Variants in FUT9 observed in about 807,000 individuals in gnomAD.
The protein encoded by FUT9 is 4-galactosyl-N-acetylglucosaminide 3-alpha-L-fucosyltransferase 9.
FUT9 carries 15 observed loss-of-function variants against 29.7 expected under a neutral mutation model. The ratio of observed to expected loss-of-function variants is 0.51; its 90% CI spans 0.34 to 0.78. The LOEUF (loss-of-function observed/expected upper bound fraction) is 0.78, where lower values mean the gene tolerates loss of function less well. Among genes scored for constraint, FUT9 ranks in the 30% least tolerant of loss-of-function variants. The pLI is 0.01. For missense variants in FUT9, 319 were observed against 425.4 expected (o/e 0.75, Z 2.20); for synonymous variants, 169 against 153.7 (o/e 1.10, Z -0.74).
intron 1 of FUT9, among the ~76,000 whole-genome samples, chr6:96,109,653 C>G (rs1771760575): frequency 1.3e-5 from 2 of 152,146 alleles, no homozygotes; most frequent in Non-Finnish European, 2.9e-5. Context: ...TTCCACCAAA[C>G]CTAACAACCA....
intron 1 of FUT9, among the ~76,000 whole-genome samples, chr6:96,110,495 T>C (rs1410840813): frequency 6.6e-6 from 1 of 152,154 alleles, no homozygotes; most frequent in African/African-American, 2.4e-5. Context: ...GCAAAAACCC[T>C]GAGCATCCCC....
chr6:96,089,644 G>A (rs1771377639), intron 1 of FUT9, among the ~76,000 whole-genome samples: 3 of 152,104 alleles, frequency 2.0e-5, no homozygotes, highest in Admixed American at 1.3e-4. Context: ...AGTAAGATGG[G>A]GAGCTGAACT....
At chr6:96,113,027 A>G (rs1388083057) in intron 1 of FUT9, among the ~76,000 whole-genome samples, 1 of 152,142 alleles carries the variant, frequency 6.6e-6, no homozygotes. Flanking sequence ...ATTTCTAAGC[A>G]TTCAGATAGT....
At chr6:96,080,754 T>C (rs949095246) in intron 1 of FUT9, among the ~76,000 whole-genome samples, 1 of 151,958 alleles carries the variant, frequency 6.6e-6, no homozygotes, top group African/African-American at 2.4e-5. Flanking sequence ...TGCCTAAATT[T>C]GTATCATCAG....
intron 1 of FUT9, among the ~76,000 whole-genome samples, chr6:96,109,433 T>C (rs559207137): frequency 6.6e-6 from 1 of 152,336 alleles, no homozygotes; most frequent in Admixed American, 6.5e-5. Flanking sequence ...TCATCTTTGG[T>C]GAATTTTTCC....
In FUT9 at chr6:96,211,894, C is replaced by G. The variant is rs1773943696; in HGVS notation, c.*7659C>G. The G allele has an allele frequency of 2.5e-6, 1 of 402,536 alleles. No homozygotes were observed. The highest frequency in any genetic ancestry group is 4.6e-6 in the Non-Finnish European group (1 of 219,486). 24.9% of individuals were successfully genotyped at this position (402,536 alleles called of 1,614,324 possible). A position where few individuals can be genotyped will look rare whatever the true frequency, so the allele number is the denominator to read the frequency against. On this transcript the variant is annotated 3_prime_UTR_variant, in exon 3 of 3. Coordinates refer to ENST00000302103, the MANE Select transcript of FUT9 (RefSeq NM_006581.4). ...AAACTGATTTATTTTTCTGAGTTCTCTGGAAACCAAACAATTTTGAATTAG... is the reference window on the plus strand; with the variant it reads ...AAACTGATTTATTTTTCTGAGTTCTGTGGAAACCAAACAATTTTGAATTAG...
intron 1 of FUT9, among the ~76,000 whole-genome samples, chr6:96,083,365 A>G (rs1049830911): frequency 6.6e-6 from 1 of 152,124 alleles, no homozygotes; most frequent in Non-Finnish European, 1.5e-5. Flanking sequence ...TGGAGTTGCA[A>G]AACAAAGACT....
chr6:96,047,550 A>G (rs1346121918), intron 1 of FUT9, among the ~76,000 whole-genome samples: 1 of 152,080 alleles, frequency 6.6e-6, no homozygotes, highest in African/African-American at 2.4e-5. Context: ...TGTTCCTGAG[A>G]TAGTTAATTA....
chr6:96,148,051 AT>A (rs5878417), intron 2 of FUT9, among the ~76,000 whole-genome samples: 84,561 of 150,142 alleles, frequency 0.56, 24,556 homozygotes, highest in East Asian at 0.76. Flanking sequence ...GAAAAAAAAA[AT>A]ATTGAAACTG....
intron 2 of FUT9, among the ~76,000 whole-genome samples, chr6:96,148,646 G>A (rs571101936): frequency 6.6e-6 from 1 of 152,176 alleles, no homozygotes; most frequent in South Asian, 2.1e-4. Context: ...TACTGCCTGA[G>A]GTTTATATTA....
intron 1 of FUT9, among the ~76,000 whole-genome samples, chr6:96,096,116 A>G (rs1771490340): frequency 2.0e-5 from 3 of 152,108 alleles, no homozygotes; most frequent in African/African-American, 7.2e-5. Context: ...CAAATTTATT[A>G]TATATAGAAT....
At chr6:96,039,494 T>G (rs1412616657) in intron 1 of FUT9, among the ~76,000 whole-genome samples, 1 of 152,176 alleles carries the variant, frequency 6.6e-6, no homozygotes, top group Non-Finnish European at 1.5e-5. Context: ...CTCATTTTTC[T>G]TCATTCTGTC....
chr6:96,064,342 G>A (rs1455347701), intron 1 of FUT9, among the ~76,000 whole-genome samples: 1 of 152,156 alleles, frequency 6.6e-6, no homozygotes, highest in Non-Finnish European at 1.5e-5. Flanking sequence ...GGGGCATAGA[G>A]AGTATAGTAA....
chr6:96,065,747 T>C (rs1476876876), intron 1 of FUT9, among the ~76,000 whole-genome samples: 1 of 152,184 alleles, frequency 6.6e-6, no homozygotes, highest in Admixed American at 6.5e-5. Context: ...GCTATATGCC[T>C]AATATACTTT....
chr6:96,119,245 G>C (rs1771973630), intron 2 of FUT9, among the ~76,000 whole-genome samples: 1 of 152,086 alleles, frequency 6.6e-6, no homozygotes, highest in Middle Eastern at 3.2e-3. Context: ...CTTTATACAG[G>C]TGTACGATTT....
chr6:96,018,287 C>A lies in FUT9; in HGVS notation c.-98+2075C>A, dbSNP rs115377603. On this transcript the variant is annotated intron_variant, in intron 1 of 2. Transcript: ENST00000302103. The stretch of plus-strand genomic sequence containing the variant: ...CCCAAATTGAAAGCAAGGAGTAATA[C>A]TTTGATCAGTTATTGCCCATAATTA... Among the ~76,000 whole-genome samples, 659 of 152,152 alleles carry A rather than the reference C, an allele frequency of 4.3e-3. 5 individuals are homozygous for A. The highest frequency in any genetic ancestry group is 0.015 in the African/African-American group (639 of 41,548).
At chr6:96,025,112 C>G (rs1562099644) in intron 1 of FUT9, among the ~76,000 whole-genome samples, 2 of 151,778 alleles carry the variant, frequency 1.3e-5, no homozygotes, top group Non-Finnish European at 1.5e-5. Context: ...CACCTGGTTT[C>G]TGGCTACAGA....
chr6:96,066,146 A>G (rs1334582710), intron 1 of FUT9, among the ~76,000 whole-genome samples: 1 of 152,096 alleles, frequency 6.6e-6, no homozygotes, highest in Non-Finnish European at 1.5e-5. Flanking sequence ...GTTTATCCCA[A>G]TAACTACCTT....
At chr6:96,154,947 A>G (rs1292104715) in intron 2 of FUT9, among the ~76,000 whole-genome samples, 1 of 152,160 alleles carries the variant, frequency 6.6e-6, no homozygotes, top group Non-Finnish European at 1.5e-5. Context: ...CTGCTGTGCA[A>G]TAGGAGAGGG....
Sources: allele counts gnomAD v4.1 joint callset (sites outside exome capture counted in the v4.1 genomes callset), GRCh38; gene constraint gnomAD v4.1.1; transcripts MANE v1.5; gene names NCBI Gene and HGNC (gene_info 2026-07-23, HGNC 2026-07-21).